Variants in SEPTIN3 observed in about 807,000 individuals in gnomAD.
The protein encoded by SEPTIN3 is neuronal-specific septin-3.
Under a neutral mutation model 45.1 loss-of-function variants are expected in SEPTIN3, and 15 were observed. The observed-to-expected ratio is 0.33, with a 90% CI of 0.22 to 0.51. The LOEUF (loss-of-function observed/expected upper bound fraction) is 0.51, where lower values mean the gene tolerates loss of function less well. SEPTIN3 is among the 20% of genes least tolerant of loss of function. SEPTIN3 has a pLI of 0.97. For synonymous variants in SEPTIN3, 148 were observed against 164.8 expected (o/e 0.90, Z 0.78); for missense variants, 289 against 457.2 (o/e 0.63, Z 3.35).
At chr22:41,981,622 C>T in intron 2 of SEPTIN3, 23 bp from the exon 3 acceptor site, 1 of 1,596,452 alleles carries the variant, frequency 6.3e-7, no homozygotes, top group Non-Finnish European at 8.6e-7. Flanking sequence ...ACCCCTCCGA[C>T]CCCTCCCACC....
At position 41,972,121 on chromosome 22, in the gene SEPTIN3, G is replaced by C; in HGVS notation, c.629G>C (p.Gly210Ala). The part of the protein sequence containing the change: ...AQSAPVLAEP[G>A]SLGQGHLVSV... ...AGTGCACCAGTCCTTGCAGAGCCAGGCTCGTTGGGCCAGGGGCACCTTGTC... is the reference window on the plus strand; with the variant it reads ...AGTGCACCAGTCCTTGCAGAGCCAGCCTCGTTGGGCCAGGGGCACCTTGTC... The change falls in exon 2 of 12, where the codon GGC (glycine) becomes GCC (alanine). Residue 210 changes from glycine to alanine, a missense_variant. Physicochemically the swap from Gly to Ala is moderately conservative, Grantham distance 60. Around this residue, in one of 3 missense-constraint regions of SEPTIN3, gnomAD observed 200 missense variants for 315.1 expected, o/e 0.63. Transcript: ENST00000644076. The C allele has an allele frequency of 2.5e-6, 1 of 399,118 alleles. No individual in the cohort carries two copies. Among genetic ancestry groups the C allele is most frequent in the Non-Finnish European group, 4.4e-6 (1 of 226,122 alleles). 24.7% of individuals were successfully genotyped at this position (399,118 alleles called of 1,614,324 possible).
At chr22:41,985,475 A>G (rs145122601) in intron 3 of SEPTIN3, among the ~76,000 whole-genome samples, 2 of 152,380 alleles carry the variant, frequency 1.3e-5, no homozygotes, top group East Asian at 1.9e-4. Context: ...ATATTTTGTT[A>G]GAAGAGGATT....
intron 6 of SEPTIN3, among the ~76,000 whole-genome samples, chr22:41,988,849 G>A (rs2078252546): frequency 6.6e-6 from 1 of 152,192 alleles, no homozygotes; most frequent in South Asian, 2.1e-4. Flanking sequence ...GTACACACTA[G>A]GCACGGTGGC....
intron 2 of SEPTIN3, among the ~76,000 whole-genome samples, chr22:41,978,893 T>TGGAGGAGGAGGAGGAGGAGGAGGAGGA (rs71184852): frequency 2.5e-5 from 3 of 120,322 alleles, no homozygotes; most frequent in Non-Finnish European, 5.2e-5. Context: ...GGCTGAATGC[T>TGGAGGAGGAGGAGGAGGAGGAGGAGGA]GGAGGAGGAG....
Position 41,994,585 on chromosome 22 carries a change from A to G in SEPTIN3, c.2412-36A>G, listed in dbSNP as rs746088487. On this transcript the variant is annotated intron_variant, in intron 10 of 11. Coordinates refer to ENST00000644076, the MANE Select transcript of SEPTIN3 (RefSeq NM_001363845.2). This position sits in a 1 kb window ranked among gnomAD's most constrained non-coding sequence, Gnocchi z 4.2. ...TCACCGCCTCCTCTTCCTGCCCCTA[A>G]TTGCAGCCCTCTTCTTCTCACCCTG... 12 of 1,612,778 alleles carry G rather than the reference A, an allele frequency of 7.4e-6. No homozygotes were observed. Among genetic ancestry groups the G allele is most frequent in the Non-Finnish European group, 1.0e-5 (12 of 1,179,326 alleles).
At chr22:41,986,568 C>T (rs950007047) in intron 4 of SEPTIN3, among the ~76,000 whole-genome samples, 1 of 151,144 alleles carries the variant, frequency 6.6e-6, no homozygotes, top group Non-Finnish European at 1.5e-5. Flanking sequence ...GGTGCGATCT[C>T]GGCTCACTGC....
At chr22:41,973,220 ACTAT>A (rs1018189529) in intron 2 of SEPTIN3, among the ~76,000 whole-genome samples, 1 of 152,070 alleles carries the variant, frequency 6.6e-6, no homozygotes, top group Non-Finnish European at 1.5e-5. Flanking sequence ...GCTGAGGGAA[ACTAT>A]CAGAAAGAAG....
chr22:41,980,675 G>A (rs6002567), intron 2 of SEPTIN3, among the ~76,000 whole-genome samples: 219 of 152,252 alleles, frequency 1.4e-3, no homozygotes, highest in African/African-American at 5.0e-3. Flanking sequence ...GGCCTGATAA[G>A]GAAACCCACA....
intron 7 of SEPTIN3, among the ~76,000 whole-genome samples, chr22:41,991,170 A>G (rs2078309066): frequency 6.6e-6 from 1 of 152,192 alleles, no homozygotes; most frequent in Non-Finnish European, 1.5e-5. Context: ...ACCTTGAAAG[A>G]GGGCAAACAG....
In SEPTIN3 at chr22:41,971,456, C is replaced by G. The variant is rs2077958092; in HGVS notation, c.-19-18C>G. 4 of 399,072 alleles carry G rather than the reference C, an allele frequency of 1.0e-5. No individual in the cohort carries two copies. In the East Asian group the frequency reaches 1.4e-4, roughly 14 times the overall value. 24.7% of individuals were successfully genotyped at this position (399,072 alleles called of 1,614,324 possible). A position where few individuals can be genotyped will look rare whatever the true frequency, so the allele number is the denominator to read the frequency against. On this transcript the variant is annotated intron_variant, in intron 1 of 11. Coordinates refer to ENST00000644076, the MANE Select transcript of SEPTIN3 (RefSeq NM_001363845.2). ...TCCTCACCCCTGCCTGGCCTCTTCT[C>G]TCTGTTGATTGCCTCAGGGAAAGAC...
intron 2 of SEPTIN3, among the ~76,000 whole-genome samples, chr22:41,978,346 GC>G (rs2078063835): frequency 6.6e-6 from 1 of 152,204 alleles, no homozygotes; most frequent in Admixed American, 6.5e-5. Context: ...ATAAGACACG[GC>G]CCCGCCCTAA....
intron 9 of SEPTIN3, among the ~76,000 whole-genome samples, chr22:41,993,709 A>T (rs540329925): frequency 4.9e-4 from 74 of 151,702 alleles, no homozygotes; most frequent in Non-Finnish European, 9.1e-4. Flanking sequence ...ACCCAGGCTG[A>T]TCTCAAACTC....
Position 41,994,947 on chromosome 22 carries a change from G to A in SEPTIN3, c.2505+233G>A, listed in dbSNP as rs1292282814. On this transcript the variant is annotated intron_variant, in intron 11 of 11. Coordinates refer to ENST00000644076, the MANE Select transcript of SEPTIN3 (RefSeq NM_001363845.2). This position sits in a 1 kb window ranked among gnomAD's most constrained non-coding sequence, Gnocchi z 4.2. ...TGACAGAGAGAGAGCGAGAGAGCCT[G>A]TGTGTGTGCATGCAGGGGTGAGGTA... 44 of 1,427,702 alleles carry A rather than the reference G, an allele frequency of 3.1e-5. No homozygotes were observed. Among genetic ancestry groups the A allele is most frequent in the Admixed American group, 5.1e-5 (2 of 39,242 alleles). 88.4% of individuals were successfully genotyped at this position (1,427,702 alleles called of 1,614,324 possible).
At chr22:41,977,628 T>A (rs2078050908) in intron 2 of SEPTIN3, among the ~76,000 whole-genome samples, 1 of 150,456 alleles carries the variant, frequency 6.6e-6, no homozygotes, top group Non-Finnish European at 1.5e-5. Flanking sequence ...TGGGCTGGAA[T>A]TGCCTTTGTG....
intron 2 of SEPTIN3, among the ~76,000 whole-genome samples, chr22:41,980,610 T>C (rs5758529): frequency 0.91 from 138,460 of 152,166 alleles, 63,139 homozygotes; most frequent in East Asian, 1. Flanking sequence ...ATACCCCAAT[T>C]GTATGGATGG....
chr22:41,996,869 C>G (rs761808107), intron 11 of SEPTIN3, 33 bp from the exon 12 acceptor site: 6 of 1,612,636 alleles, frequency 3.7e-6, no homozygotes, highest in Non-Finnish European at 5.1e-6. Context: ...CTGCTGGTCT[C>G]CACACCCTCA....
At chr22:41,989,877 A>G (rs1170395920) in intron 7 of SEPTIN3, among the ~76,000 whole-genome samples, 193 bp downstream of exon 7, 1 of 152,004 alleles carries the variant, frequency 6.6e-6, no homozygotes, top group Non-Finnish European at 1.5e-5. Flanking sequence ...TGATGAAGAA[A>G]AGATGGCACA....
chr22:41,997,718 G>C lies in SEPTIN3; in HGVS notation c.*751G>C, dbSNP rs1921015975. 6.6e-6 allele frequency: 1 copy of C among 152,582 alleles called. No homozygotes were observed. The highest frequency in any genetic ancestry group is 2.4e-5 in the African/African-American group (1 of 41,388). 9.5% of individuals were successfully genotyped at this position (152,582 alleles called of 1,614,324 possible). On this transcript the variant is annotated 3_prime_UTR_variant, in exon 12 of 12. Transcript: ENST00000644076. ...GCTAAGGAAAAACTAGCACCCTTCT[G>C]TCCACTCAGCAATAAGAGGGATCTC...
In SEPTIN3 at chr22:41,994,221, C is replaced by G. The variant is rs7290655; in HGVS notation, c.2360-69C>G. ...AATGCCTCCGTGACCCAAACAGAAGCTCACCTCCTGGGTGTTGCTGTATTA... is the reference window on the plus strand; with the variant it reads ...AATGCCTCCGTGACCCAAACAGAAGGTCACCTCCTGGGTGTTGCTGTATTA... On this transcript the variant is annotated intron_variant, in intron 9 of 11. Transcript: ENST00000644076. This position sits in a 1 kb window ranked among gnomAD's most constrained non-coding sequence, Gnocchi z 4.2. The G allele has an allele frequency of 0.29, 425,355 of 1,480,412 alleles. 65,324 individuals carry two copies. Among genetic ancestry groups the G allele is most frequent in the Admixed American group, 0.43 (25,429 of 59,138 alleles). 91.7% of individuals were successfully genotyped at this position (1,480,412 alleles called of 1,614,324 possible).
Sources: allele counts gnomAD v4.1 joint callset (sites outside exome capture counted in the v4.1 genomes callset), GRCh38; gene constraint gnomAD v4.1.1; regional missense constraint gnomAD v4.1.1; non-coding constraint Gnocchi (gnomAD v3.1); transcripts MANE v1.5; gene names NCBI Gene and HGNC (gene_info 2026-07-23, HGNC 2026-07-21).